EPC2: variants seen among roughly 807,000 people sequenced by gnomAD.
EPC2 encodes enhancer of polycomb homolog 2.
EPC2 carries 14 observed loss-of-function variants against 92.1 expected under a neutral mutation model. That is an observed-to-expected ratio of 0.15 (90% CI 0.10 to 0.24). The LOEUF (loss-of-function observed/expected upper bound fraction) is 0.24, where lower values mean the gene tolerates loss of function less well. Among genes scored for constraint, EPC2 ranks in the 10% least tolerant of loss-of-function variants. EPC2 has a pLI of 1.00. For missense variants in EPC2, 755 were observed against 971.5 expected (o/e 0.78, Z 2.96); for synonymous variants, 340 against 334.7 (o/e 1.02, Z -0.17).
chr2:148,746,609 T>A, intron 3 of EPC2, among the ~76,000 whole-genome samples: 1 of 152,116 alleles, frequency 6.6e-6, no homozygotes. Context: ...AGTAGGGGGA[T>A]GCTATGAAGA....
chr2:148,701,248 T>C (rs1681881271), intron 2 of EPC2, among the ~76,000 whole-genome samples: 1 of 152,228 alleles, frequency 6.6e-6, no homozygotes, highest in Non-Finnish European at 1.5e-5. Flanking sequence ...TGTATACTTT[T>C]TATTTCCTTT....
At chr2:148,784,053 A>G (rs1683811774) in intron 12 of EPC2, among the ~76,000 whole-genome samples, 1 of 152,218 alleles carries the variant, frequency 6.6e-6, no homozygotes, top group South Asian at 2.1e-4. Flanking sequence ...TGAGCTAACC[A>G]TCCCCATTGA....
chr2:148,749,472 A>G (rs1574621376), intron 3 of EPC2, among the ~76,000 whole-genome samples: 1 of 149,826 alleles, frequency 6.7e-6, no homozygotes, highest in African/African-American at 2.5e-5. Context: ...TAATAATCAC[A>G]TCATCGGTTT....
At chr2:148,708,038 C>CA (rs766879070) in intron 2 of EPC2, among the ~76,000 whole-genome samples, 2 of 151,384 alleles carry the variant, frequency 1.3e-5, no homozygotes, top group African/African-American at 2.4e-5. Flanking sequence ...AAAATCCCTT[C>CA]AAAAAATCAG....
chr2:148,738,586 G>A (rs1682813931), intron 2 of EPC2, among the ~76,000 whole-genome samples: 1 of 152,188 alleles, frequency 6.6e-6, no homozygotes, highest in Admixed American at 6.5e-5. Context: ...AATAACCAGA[G>A]AAAAGAGGGT....
At chr2:148,772,572 T>A (rs1442936404) in intron 10 of EPC2, among the ~76,000 whole-genome samples, 1 of 152,212 alleles carries the variant, frequency 6.6e-6, no homozygotes, top group Non-Finnish European at 1.5e-5. Context: ...GTGATTTGTT[T>A]AAAGGTTATA....
chr2:148,656,921 A>T (rs1455832063), intron 1 of EPC2, among the ~76,000 whole-genome samples: 2 of 152,202 alleles, frequency 1.3e-5, no homozygotes, highest in Admixed American at 6.5e-5. Flanking sequence ...TGTAATAGCT[A>T]ATTGACTATA....
At chr2:148,698,818 T>C (rs1360647247) in intron 2 of EPC2, among the ~76,000 whole-genome samples, 1 of 98,350 alleles carries the variant, frequency 1.0e-5, no homozygotes, top group East Asian at 3.1e-4. Flanking sequence ...ATAAAAGTTG[T>C]ATTTTCTTCC....
In EPC2 at chr2:148,721,328, G is replaced by GTT. The variant is rs201992446; in HGVS notation, c.314-22284_314-22283dup. Among the ~76,000 whole-genome samples the GTT allele has an allele frequency of 7.3e-3, 1,065 of 145,482 alleles. 6 individuals are homozygous for GTT. Among genetic ancestry groups the GTT allele is most frequent in the African/African-American group, 0.025 (1,003 of 39,980 alleles). ...GAATTTTAGGTTTGTAGGTTGTTGG[G>GTT]TTTTTTTTTTTAACTCAACACATGA... On this transcript the variant is annotated intron_variant, in intron 2 of 13. Coordinates refer to ENST00000258484, the MANE Select transcript of EPC2 (RefSeq NM_015630.4).
rs759265078 is a variant in EPC2 at position 148,784,744 on chromosome 2, G to T, written c.2094G>T (p.Arg698Ser). 3.7e-6 allele frequency: 6 copies of T among 1,613,784 alleles called. No individual in the cohort carries two copies. ...GGATTTCAGCTGTACAGCTTGTAAG[G>T]ACAGTTGGCCACACCACTACAAACC... is the stretch of plus-strand genomic sequence containing the variant. ...SPGISAVQLV[R>S]TVGHTTTNHL... Residue 698 changes from arginine to serine, a missense_variant, in exon 13 of 14, where the codon AGG (arginine) becomes AGT (serine). This residue lies in a region of EPC2 where 207 missense variants were observed against 260.5 expected (regional missense o/e 0.79). Coordinates refer to ENST00000258484, the MANE Select transcript of EPC2 (RefSeq NM_015630.4).
At position 148,644,980 on chromosome 2, in the gene EPC2, C is replaced by T. The variant is rs1683763397; in HGVS notation, c.-38C>T. ...CTCCCCCCCTCCCCGCCCGCCCCGCCGCCGCCGCCCGGGCTGTTCCTGTAA... is the reference window on the plus strand; with the variant it reads ...CTCCCCCCCTCCCCGCCCGCCCCGCTGCCGCCGCCCGGGCTGTTCCTGTAA... On this transcript the variant is annotated 5_prime_UTR_variant, in exon 1 of 14. Transcript: ENST00000258484. The T allele has an allele frequency of 1.3e-6, 2 of 1,538,796 alleles. No individual in the cohort carries two copies. Among genetic ancestry groups the T allele is most frequent in the Non-Finnish European group, 1.8e-6 (2 of 1,141,736 alleles).
intron 2 of EPC2, among the ~76,000 whole-genome samples, chr2:148,718,103 C>T (rs1351598803): frequency 6.6e-6 from 1 of 152,050 alleles, no homozygotes. Flanking sequence ...AGTAAATTGT[C>T]TTCAGTCTCT....
At chr2:148,735,103 A>T (rs928942527) in intron 2 of EPC2, among the ~76,000 whole-genome samples, 1 of 152,024 alleles carries the variant, frequency 6.6e-6, no homozygotes, top group African/African-American at 2.4e-5. Context: ...ATATAATGTT[A>T]TGAATGGCCT....
chr2:148,716,369 A>G (rs1363304268), intron 2 of EPC2, among the ~76,000 whole-genome samples: 1 of 152,116 alleles, frequency 6.6e-6, no homozygotes, highest in African/African-American at 2.4e-5. Context: ...TTTGTCATAT[A>G]TGGCTCTTAA....
intron 2 of EPC2, among the ~76,000 whole-genome samples, chr2:148,721,447 C>T (rs1277388204): frequency 6.6e-6 from 1 of 151,728 alleles, no homozygotes; most frequent in African/African-American, 2.4e-5. Context: ...GGTGTTTTTT[C>T]CCCTTTGGCT....
At chr2:148,654,878 G>C (rs567495307) in intron 1 of EPC2, among the ~76,000 whole-genome samples, 30 of 152,200 alleles carry the variant, frequency 2.0e-4, no homozygotes, top group Non-Finnish European at 4.1e-4. Context: ...TATTGTTTTT[G>C]TTCCTCAGAA....
chr2:148,738,417 A>C (rs1682810784), intron 2 of EPC2, among the ~76,000 whole-genome samples: 1 of 152,254 alleles, frequency 6.6e-6, no homozygotes, highest in Non-Finnish European at 1.5e-5. Context: ...AGATGGGTTT[A>C]CATAAAGAGT....
At chr2:148,669,480 C>T (rs567578746) in intron 1 of EPC2, among the ~76,000 whole-genome samples, 34 of 152,072 alleles carry the variant, frequency 2.2e-4, no homozygotes, top group Non-Finnish European at 4.4e-4. Flanking sequence ...AGTTTGAGAC[C>T]AGACTGGGCA....
intron 13 of EPC2, among the ~76,000 whole-genome samples, chr2:148,785,822 C>T (rs1220018404): frequency 6.6e-6 from 1 of 152,110 alleles, no homozygotes; most frequent in Non-Finnish European, 1.5e-5. Context: ...CTTTCTATGA[C>T]ACTAATACAA....
Sources: allele counts gnomAD v4.1 joint callset (sites outside exome capture counted in the v4.1 genomes callset), GRCh38; gene constraint gnomAD v4.1.1; regional missense constraint gnomAD v4.1.1; transcripts MANE v1.5; gene names NCBI Gene and HGNC (gene_info 2026-07-23, HGNC 2026-07-21).